PTPRT: variants seen among roughly 807,000 people sequenced by gnomAD.
The protein encoded by PTPRT is receptor-type tyrosine-protein phosphatase T.
Under a neutral mutation model 176.8 loss-of-function variants are expected in PTPRT, and 56 were observed. The observed-to-expected ratio is 0.32, with a 90% confidence interval of 0.26 to 0.40. The LOEUF is 0.40. Among genes scored for constraint, PTPRT ranks in the 10% least tolerant of loss-of-function variants. The probability of loss-of-function intolerance (pLI) is 1.00; values close to 1 mark genes in which losing one functional copy is unlikely to be tolerated. For missense variants in PTPRT, 1,540 were observed against 1,908.2 expected (o/e 0.81, Z 3.60); for synonymous variants, 783 against 739.0 (o/e 1.06, Z -0.96).
At chr20:42,900,135 A>G (rs1336212370) in intron 1 of PTPRT, among the ~76,000 whole-genome samples, 1 of 152,202 alleles carries the variant, frequency 6.6e-6, no homozygotes, top group Non-Finnish European at 1.5e-5. Flanking sequence ...TGCCCTGTAA[A>G]TCCATCAAAG....
At chr20:42,148,741 A>C (rs544706784) in intron 17 of PTPRT, among the ~76,000 whole-genome samples, 3 of 152,268 alleles carry the variant, frequency 2.0e-5, no homozygotes, top group African/African-American at 7.2e-5. Context: ...AACAAGACAA[A>C]AGCAAGTTGT....
chr20:42,511,004 T>C (rs1292006099), intron 7 of PTPRT, among the ~76,000 whole-genome samples: 2 of 151,990 alleles, frequency 1.3e-5, no homozygotes, highest in South Asian at 4.2e-4. Flanking sequence ...CATTCATGGA[T>C]TGATGGATTA....
chr20:42,081,784 GC>G, intron 30 of PTPRT, 97 bp downstream of exon 30: 1 of 1,446,262 alleles, frequency 6.9e-7, no homozygotes, highest in Non-Finnish European at 9.6e-7. Context: ...ACAATTAGCA[GC>G]CAGGTGTTGA....
intron 1 of PTPRT, among the ~76,000 whole-genome samples, chr20:42,909,526 T>C (rs1470486369): frequency 6.6e-6 from 1 of 152,218 alleles, no homozygotes; most frequent in African/African-American, 2.4e-5. Flanking sequence ...GGGGATAGAC[T>C]GTGAAGCTTA....
intron 6 of PTPRT, among the ~76,000 whole-genome samples, chr20:42,690,306 G>A (rs573164388): frequency 9.5e-4 from 144 of 152,234 alleles, no homozygotes; most frequent in Admixed American, 4.1e-3. Context: ...CTGAGTGCAC[G>A]GTGAATAATG....
At chr20:42,351,718 A>G (rs536740904) in intron 10 of PTPRT, among the ~76,000 whole-genome samples, 7 of 145,320 alleles carry the variant, frequency 4.8e-5, no homozygotes, top group Admixed American at 4.2e-4. Flanking sequence ...TCATTCATTC[A>G]TCAGGTATTT....
At chr20:43,152,868 A>G (rs2146424418) in intron 1 of PTPRT, among the ~76,000 whole-genome samples, 1 of 152,292 alleles carries the variant, frequency 6.6e-6, no homozygotes, top group South Asian at 2.1e-4. Flanking sequence ...TTAACATTCT[A>G]CACTTGGCAT....
intron 12 of PTPRT, among the ~76,000 whole-genome samples, chr20:42,288,446 C>G (rs1355970090): frequency 6.6e-6 from 1 of 151,842 alleles, no homozygotes; most frequent in African/African-American, 2.4e-5. Context: ...TTCTATTGAA[C>G]CCATCACCCA....
intron 6 of PTPRT, among the ~76,000 whole-genome samples, chr20:42,683,271 T>TTTTGTTTTGTTTTGTTTTGTTTTG (rs1555898542): frequency 2.7e-5 from 4 of 149,280 alleles, no homozygotes; most frequent in Non-Finnish European, 4.4e-5. Context: ...TTACTTGTTT[T>TTTTGTTTTGTTTTGTTTTGTTTTG]TTTTGTTTTG....
chr20:42,351,627 G>A (rs1782593118), intron 10 of PTPRT, among the ~76,000 whole-genome samples: 1 of 152,188 alleles, frequency 6.6e-6, no homozygotes, highest in African/African-American at 2.4e-5. Context: ...TAGTGGCAGA[G>A]GGGGCCCTAC....
In PTPRT at chr20:42,077,813, A is replaced by ATTTTT. The variant is rs3084621; in HGVS notation, c.*3061_*3065dup. Reference sequence around the variant, plus strand: ...CTGGGTTACCCCAACATGGCCTGAGATTTTTTTTTTTTGCAAGTTTGTTTC... The same window carrying ATTTTT: ...CTGGGTTACCCCAACATGGCCTGAGATTTTTTTTTTTTTTTTTGCAAGTTTGTTTC... On this transcript the variant is annotated 3_prime_UTR_variant, in exon 31 of 31. Coordinates refer to ENST00000373187, the MANE Select transcript of PTPRT (RefSeq NM_007050.6). 0.22 allele frequency: 39,283 copies of ATTTTT among 180,306 alleles called. 4,342 individuals carry two copies. Among genetic ancestry groups the ATTTTT allele is most frequent in the Non-Finnish European group, 0.28 (24,693 of 86,760 alleles). The allele number at this position is 180,306 out of a possible 1,614,324, so 11.2% of individuals were successfully genotyped here. A position where few individuals can be genotyped will look rare whatever the true frequency, so the allele number is the denominator to read the frequency against.
At chr20:42,444,697 C>A (rs925768704) in intron 9 of PTPRT, among the ~76,000 whole-genome samples, 1 of 152,032 alleles carries the variant, frequency 6.6e-6, no homozygotes, top group African/African-American at 2.4e-5. Flanking sequence ...TTGCATTATC[C>A]TATTTTTCTT....
At chr20:42,763,785 T>C (rs535408586) in intron 5 of PTPRT, among the ~76,000 whole-genome samples, 1 of 152,294 alleles carries the variant, frequency 6.6e-6, no homozygotes, top group East Asian at 1.9e-4. Flanking sequence ...ACATAAATCA[T>C]TTTTGATTAG....
intron 1 of PTPRT, among the ~76,000 whole-genome samples, chr20:43,145,694 G>A (rs1251507659): frequency 6.6e-6 from 1 of 152,152 alleles, no homozygotes; most frequent in Non-Finnish European, 1.5e-5. Context: ...CAGGATCTGG[G>A]ACCAGATAAC....
At chr20:42,293,886 G>T (rs1162915289) in intron 12 of PTPRT, among the ~76,000 whole-genome samples, 2 of 152,052 alleles carry the variant, frequency 1.3e-5, no homozygotes, top group African/African-American at 2.4e-5. Context: ...AATTCATGTT[G>T]GATCTGGGTA....
chr20:42,646,023 T>C (rs2074888601), intron 7 of PTPRT, among the ~76,000 whole-genome samples: 1 of 152,138 alleles, frequency 6.6e-6, no homozygotes, highest in Non-Finnish European at 1.5e-5. Flanking sequence ...AAAAGAATTG[T>C]TGATTATTGT....
chr20:42,749,325 C>G (rs556773358), intron 6 of PTPRT, among the ~76,000 whole-genome samples: 3 of 152,274 alleles, frequency 2.0e-5, no homozygotes, highest in Non-Finnish European at 2.9e-5. Flanking sequence ...CCCAGGCTGT[C>G]CTGCTTATGA....
rs777761268 is a variant in PTPRT, at chr20:42,577,923, C to CTGTGTG, written c.1153+99937_1153+99942dup. ...GAAAAACCTTCAGACCTGAGCGAGG[C>CTGTGTG]TGTGTGTGTGTGTGTGTGTGTGTGT... On this transcript the variant is annotated intron_variant, in intron 7 of 30. Coordinates refer to ENST00000373187, the MANE Select transcript of PTPRT (RefSeq NM_007050.6). Among the ~76,000 whole-genome samples, 450 of 111,312 alleles carry CTGTGTG rather than the reference C, an allele frequency of 4.0e-3. 7 individuals carry two copies. Among genetic ancestry groups the CTGTGTG allele is most frequent in the Middle Eastern group, 0.028 (6 of 212 alleles). 73.0% of individuals were successfully genotyped at this position (111,312 alleles called of 152,430 possible).
At chr20:43,065,760 G>C (rs763741739) in intron 1 of PTPRT, among the ~76,000 whole-genome samples, 31 of 152,222 alleles carry the variant, frequency 2.0e-4, no homozygotes, top group Non-Finnish European at 3.7e-4. Flanking sequence ...AAAGGTCTAA[G>C]AGGGAAGACA....
Sources: gnomAD v4.1 joint callset for allele counts (sites outside exome capture counted in the v4.1 genomes callset) on GRCh38, gnomAD v4.1.1 for gene constraint, MANE v1.5 for transcripts, NCBI Gene and HGNC (gene_info 2026-07-23, HGNC 2026-07-21) for gene names.